Variants in FAM167A observed in about 807,000 individuals in gnomAD.
FAM167A encodes the protein protein FAM167A.
In FAM167A, 23 loss-of-function variants were observed where a neutral mutation model predicts 14.9. The observed-to-expected ratio is 1.55, with a 90% CI of 1.11 to 2.19. The LOEUF is 2.19. Ranked by LOEUF, FAM167A falls within the 30% of genes most tolerant of loss-of-function variation. The probability of loss-of-function intolerance (pLI) is 0.00; values close to 1 mark genes in which losing one functional copy is unlikely to be tolerated. For synonymous variants in FAM167A, 174 were observed against 117.7 expected (o/e 1.48, Z -3.10); for missense variants, 401 against 281.5 (o/e 1.42, Z -3.04).
intron 1 of FAM167A, among the ~76,000 whole-genome samples, chr8:11,463,522 G>A (rs935369564): frequency 1.3e-5 from 2 of 152,210 alleles, no homozygotes; most frequent in African/African-American, 4.8e-5. Flanking sequence ...ACACTGCCCA[G>A]CCTTCGAGAA....
intron 1 of FAM167A, among the ~76,000 whole-genome samples, chr8:11,462,508 T>A (rs951987713): frequency 2.0e-5 from 3 of 152,186 alleles, no homozygotes; most frequent in African/African-American, 4.8e-5. Flanking sequence ...AATTGGGAAA[T>A]GGCTCCTGCA....
intron 2 of FAM167A, among the ~76,000 whole-genome samples, chr8:11,436,871 C>T (rs1806054170): frequency 6.6e-6 from 1 of 152,168 alleles, no homozygotes; most frequent in Non-Finnish European, 1.5e-5. Flanking sequence ...AGGCTGCTAA[C>T]CTCAAGGGAG....
intron 2 of FAM167A, among the ~76,000 whole-genome samples, chr8:11,431,892 GCAAAA>G (rs1407224177): frequency 7.9e-5 from 1 of 12,698 alleles, no homozygotes; most frequent in African/African-American, 8.6e-4. Flanking sequence ...GGACCAATTG[GCAAAA>G]AAAAAAAAAA....
At chr8:11,445,007 G>C (rs1806699183) in intron 1 of FAM167A, 199 bp from the exon 2 acceptor site, 2 of 644,412 alleles carry the variant, frequency 3.1e-6, no homozygotes, top group Admixed American at 6.3e-5. Flanking sequence ...TTGAAAAATT[G>C]TGCAGTGTTT....
At chr8:11,455,182 G>C (rs1223889654) in intron 1 of FAM167A, among the ~76,000 whole-genome samples, 1 of 144,962 alleles carries the variant, frequency 6.9e-6, no homozygotes, top group South Asian at 2.2e-4. Flanking sequence ...GCCTTGCTGA[G>C]TGTGGGTGGT....
At chr8:11,453,085 G>C (rs1189002420) in intron 1 of FAM167A, among the ~76,000 whole-genome samples, 1 of 152,166 alleles carries the variant, frequency 6.6e-6, no homozygotes, top group Non-Finnish European at 1.5e-5. Flanking sequence ...TCTCCACAAA[G>C]CTCCCTCCTC....
At chr8:11,436,727 C>G (rs1398503009) in intron 2 of FAM167A, among the ~76,000 whole-genome samples, 3 of 152,202 alleles carry the variant, frequency 2.0e-5, no homozygotes, top group Admixed American at 6.5e-5. Context: ...CCTGAGAGCC[C>G]TCAGAAGACC....
At chr8:11,438,536 T>C (rs1259856335) in intron 2 of FAM167A, 2 of 456,720 alleles carry the variant, frequency 4.4e-6, no homozygotes, top group South Asian at 1.6e-5. Context: ...CTTTGGTCTT[T>C]CAATAATGTC....
chr8:11,431,197 A>T (rs562731731), intron 2 of FAM167A, among the ~76,000 whole-genome samples: 6 of 152,362 alleles, frequency 3.9e-5, no homozygotes, highest in African/African-American at 1.4e-4. Flanking sequence ...ATAAAGTGGA[A>T]TATTATTCAG....
chr8:11,456,507 G>GT (rs1807318903), intron 1 of FAM167A, among the ~76,000 whole-genome samples: 1 of 146,526 alleles, frequency 6.8e-6, no homozygotes, highest in South Asian at 2.2e-4. Context: ...GTGTGTGAGT[G>GT]TGAGTGTGGG....
rs142159560 is a variant in FAM167A at position 11,453,327 on chromosome 8, C to A, written c.-397-8519G>T. 3.5e-4 allele frequency among the ~76,000 whole-genome samples: 54 copies of A among 152,352 alleles called. No homozygotes were observed. In the East Asian group the frequency reaches 9.6e-3, roughly 27 times the overall value. ...AGCTGGAACTGCAGGCATGTGCCAC[C>A]ATGCCTGACTCTAAATAACATTTTA... is the stretch of plus-strand genomic sequence containing the variant. On this transcript the variant is annotated intron_variant, in intron 1 of 2. Transcript: ENST00000284486.
upstream of FAM167A, among the ~76,000 whole-genome samples, chr8:11,468,802 A>G (rs1007503446): frequency 1.3e-5 from 2 of 152,132 alleles, no homozygotes; most frequent in Non-Finnish European, 2.9e-5. Context: ...TCATGGGGGA[A>G]TTGTGGCATG....
chr8:11,440,905 G>T (rs1806396846), intron 2 of FAM167A, among the ~76,000 whole-genome samples: 1 of 152,116 alleles, frequency 6.6e-6, no homozygotes, highest in African/African-American at 2.4e-5. Context: ...GATGAATGAG[G>T]GAAACCATGG....
chr8:11,461,402 C>G (rs1320563689), intron 1 of FAM167A, among the ~76,000 whole-genome samples: 1 of 152,276 alleles, frequency 6.6e-6, no homozygotes, highest in African/African-American at 2.4e-5. Context: ...GCCGCCCCGC[C>G]AACCGCCACA....
At chr8:11,438,140 G>C (rs1258911271) in intron 2 of FAM167A, 2 of 456,494 alleles carry the variant, frequency 4.4e-6, no homozygotes, top group Non-Finnish European at 8.8e-6. Context: ...GTGCTGAATG[G>C]ACATGGGGCT....
intron 2 of FAM167A, among the ~76,000 whole-genome samples, chr8:11,427,460 T>C (rs957175856): frequency 2.6e-5 from 4 of 152,214 alleles, no homozygotes; most frequent in African/African-American, 7.2e-5. Flanking sequence ...GGTTATTTAG[T>C]ATTTCTGCGA....
chr8:11,424,679 C>G, intron 2 of FAM167A, 43 bp from the exon 3 acceptor site: 1 of 1,603,760 alleles, frequency 6.2e-7, no homozygotes, highest in Non-Finnish European at 8.5e-7. Flanking sequence ...GAGAGTGGCT[C>G]GAGTCCCTGA....
chr8:11,470,140 G>C (rs768347628), upstream of FAM167A, among the ~76,000 whole-genome samples: 1 of 152,150 alleles, frequency 6.6e-6, no homozygotes, highest in Admixed American at 6.5e-5. Context: ...AAGTAAATAA[G>C]CAATATTGTG....
chr8:11,429,952 G>C (rs1442895624), intron 2 of FAM167A, among the ~76,000 whole-genome samples: 1 of 152,206 alleles, frequency 6.6e-6, no homozygotes, highest in Non-Finnish European at 1.5e-5. Context: ...CAAAGTAAGA[G>C]GTGCACCATC....
Sources: allele counts gnomAD v4.1 joint callset (sites outside exome capture counted in the v4.1 genomes callset), GRCh38; gene constraint gnomAD v4.1.1; transcripts MANE v1.5; gene names NCBI Gene and HGNC (gene_info 2026-07-23, HGNC 2026-07-21).